The following KCNMB2 variants were observed in gnomAD, a reference collection of about 807,000 sequenced individuals.
The protein encoded by KCNMB2 is potassium calcium-activated channel subfamily M regulatory beta subunit 2, also known as calcium-activated potassium channel subunit beta-2.
In KCNMB2, 9 loss-of-function variants were observed where a neutral mutation model predicts 24.5. The observed-to-expected ratio is 0.37, with a 90% CI of 0.22 to 0.64. KCNMB2 has a LOEUF of 0.64. Among genes scored for constraint, KCNMB2 ranks in the 30% least tolerant of loss-of-function variants. KCNMB2 has a pLI of 0.63. For synonymous variants in KCNMB2, 109 were observed against 104.4 expected (o/e 1.04, Z -0.27); for missense variants, 226 against 284.3 (o/e 0.79, Z 1.47).
intron 1 of KCNMB2, among the ~76,000 whole-genome samples, chr3:178,674,113 T>A (rs1276060334): frequency 2.0e-5 from 3 of 152,114 alleles, no homozygotes; most frequent in Non-Finnish European, 4.4e-5. Flanking sequence ...AATGCCATGA[T>A]CTTCTGATTT....
intron 1 of KCNMB2, among the ~76,000 whole-genome samples, chr3:178,712,208 A>G (rs1722475242): frequency 6.6e-6 from 1 of 152,186 alleles, no homozygotes; most frequent in African/African-American, 2.4e-5. Context: ...CAAGAGTAAC[A>G]TATTTACTAG....
intron 1 of KCNMB2, among the ~76,000 whole-genome samples, chr3:178,553,137 G>A (rs1386452162): frequency 2.6e-5 from 4 of 152,106 alleles, no homozygotes; most frequent in Admixed American, 1.3e-4. Context: ...AATTTCACCC[G>A]AACCTTCACC....
chr3:178,593,908 C>G (rs1328961787), intron 1 of KCNMB2, among the ~76,000 whole-genome samples: 1 of 149,976 alleles, frequency 6.7e-6, no homozygotes, highest in African/African-American at 2.5e-5. Context: ...CCAGATCATT[C>G]ATTACCTGAC....
chr3:178,696,198 T>G (rs753432436), intron 1 of KCNMB2, among the ~76,000 whole-genome samples: 1 of 152,184 alleles, frequency 6.6e-6, no homozygotes, highest in South Asian at 2.1e-4. Flanking sequence ...CTTACTATCA[T>G]GAGAACAGGA....
At chr3:178,755,940 T>C (rs1276633214) in intron 1 of KCNMB2, among the ~76,000 whole-genome samples, 2 of 152,154 alleles carry the variant, frequency 1.3e-5, no homozygotes, top group African/African-American at 4.8e-5. Context: ...TGAGGAAGAA[T>C]TTCAGACAAT....
chr3:178,761,591 A>G (rs1024697889), intron 1 of KCNMB2, among the ~76,000 whole-genome samples: 4 of 152,174 alleles, frequency 2.6e-5, no homozygotes, highest in South Asian at 4.2e-4. Context: ...ATATAGATCA[A>G]CTGTGCCACT....
intron 1 of KCNMB2, among the ~76,000 whole-genome samples, chr3:178,682,712 A>G (rs575813140): frequency 6.6e-6 from 1 of 152,274 alleles, no homozygotes; most frequent in African/African-American, 2.4e-5. Flanking sequence ...AAAGATAAGA[A>G]CAGACACTTC....
At chr3:178,694,595 T>C (rs747293058) in intron 1 of KCNMB2, among the ~76,000 whole-genome samples, 17 of 152,196 alleles carry the variant, frequency 1.1e-4, no homozygotes, top group Non-Finnish European at 2.5e-4. Flanking sequence ...CCATTCCAAA[T>C]AGGAGAAATT....
At chr3:178,830,957 T>G (rs1224315725) in intron 4 of KCNMB2, among the ~76,000 whole-genome samples, 2 of 152,218 alleles carry the variant, frequency 1.3e-5, no homozygotes, top group African/African-American at 4.8e-5. Flanking sequence ...TTCTGTTCAG[T>G]GCTTTTGCTG....
chr3:178,581,644 C>G (rs1018238131), intron 1 of KCNMB2, among the ~76,000 whole-genome samples: 2 of 152,102 alleles, frequency 1.3e-5, no homozygotes, highest in Non-Finnish European at 2.9e-5. Flanking sequence ...TATCTAGAAT[C>G]TACAAGGAGC....
chr3:178,680,022 G>A (rs938349065), intron 1 of KCNMB2, among the ~76,000 whole-genome samples: 4 of 152,024 alleles, frequency 2.6e-5, no homozygotes, highest in Non-Finnish European at 5.9e-5. Context: ...AGGTGACAGT[G>A]GGGAAGAATC....
intron 1 of KCNMB2, chr3:178,795,108 G>T (rs1713484883): frequency 6.6e-6 from 1 of 152,070 alleles, no homozygotes; most frequent in South Asian, 2.1e-4. Flanking sequence ...GTAAGATAAT[G>T]GCATTATGGT....
intron 1 of KCNMB2, among the ~76,000 whole-genome samples, chr3:178,550,225 C>T (rs188501161): frequency 3.1e-3 from 471 of 151,094 alleles, no homozygotes; most frequent in African/African-American, 0.011. Flanking sequence ...CCGAGGCGGG[C>T]GGATCATGAG....
intron 2 of KCNMB2, among the ~76,000 whole-genome samples, chr3:178,812,876 G>C (rs1418691484): frequency 2.6e-5 from 4 of 152,040 alleles, no homozygotes; most frequent in Non-Finnish European, 5.9e-5. Flanking sequence ...CTTGATATTT[G>C]ATAGGACCAG....
intron 1 of KCNMB2, among the ~76,000 whole-genome samples, chr3:178,622,523 G>A (rs892183939): frequency 2.6e-5 from 4 of 152,168 alleles, no homozygotes; most frequent in Non-Finnish European, 5.9e-5. Context: ...AAAGCCAAAG[G>A]AAGATCCTGA....
chr3:178,709,857 C>G (rs973466107), intron 1 of KCNMB2, among the ~76,000 whole-genome samples: 8 of 152,128 alleles, frequency 5.3e-5, no homozygotes, highest in Admixed American at 1.3e-4. Context: ...CACTACAATT[C>G]TGGGAGAAAA....
At chr3:178,635,422 C>A (rs1251857416) in intron 1 of KCNMB2, among the ~76,000 whole-genome samples, 2 of 151,816 alleles carry the variant, frequency 1.3e-5, no homozygotes, top group African/African-American at 2.4e-5. Flanking sequence ...CACACACACA[C>A]ACACACACAC....
rs551644843 is a variant in KCNMB2, at chr3:178,599,265, G to T, written c.-68+62554G>T. On this transcript the variant is annotated intron_variant, in intron 1 of 4. Transcript: ENST00000452583. ...ATATTTGCTTAATTACTATTAAAAA[G>T]AATAATTGACAAAAATTCAATGTGA... is the stretch of plus-strand genomic sequence containing the variant. Among the ~76,000 whole-genome samples, 6 of 152,178 alleles carry T rather than the reference G, an allele frequency of 3.9e-5. No individual in the cohort carries two copies. In the South Asian group the frequency reaches 1.2e-3, roughly 32 times the overall value.
intron 1 of KCNMB2, among the ~76,000 whole-genome samples, chr3:178,769,955 A>T (rs1025479033): frequency 3.2e-4 from 49 of 152,236 alleles, no homozygotes; most frequent in African/African-American, 1.1e-3. Context: ...ACAGAAAAAA[A>T]TGTCTGTAAC....
Sources: allele counts gnomAD v4.1 joint callset (sites outside exome capture counted in the v4.1 genomes callset), GRCh38; gene constraint gnomAD v4.1.1; transcripts MANE v1.5; gene names NCBI Gene and HGNC (gene_info 2026-07-23, HGNC 2026-07-21).